Variants in PDE10A observed in about 807,000 individuals in gnomAD.
The protein encoded by PDE10A is phosphodiesterase 10A.
In PDE10A, 39 loss-of-function variants were observed where a neutral mutation model predicts 97.7. The ratio of observed to expected loss-of-function variants is 0.40; its 90% CI spans 0.31 to 0.52. The LOEUF is 0.52. Ranked by LOEUF, PDE10A falls within the 20% of genes least tolerant of loss-of-function variation. PDE10A has a pLI of 0.56. For synonymous variants in PDE10A, 371 were observed against 376.8 expected (o/e 0.98, Z 0.18); for missense variants, 731 against 1,047.8 (o/e 0.70, Z 4.17).
intron 1 of PDE10A, among the ~76,000 whole-genome samples, chr6:165,619,564 A>AGTG (rs1562635276): frequency 6.8e-4 from 3 of 4,434 alleles, no homozygotes; most frequent in Admixed American, 2.2e-3. Flanking sequence ...CTAGTGTAGT[A>AGTG]TACTGTAGTC....
intron 1 of PDE10A, among the ~76,000 whole-genome samples, chr6:165,695,875 G>A (rs924625569): frequency 3.9e-5 from 6 of 152,150 alleles, no homozygotes; most frequent in African/African-American, 1.2e-4. Context: ...TTCCTTCCAA[G>A]GAGCCAGAAT....
intron 1 of PDE10A, among the ~76,000 whole-genome samples, chr6:165,868,945 T>C (rs1781128912): frequency 6.6e-6 from 1 of 151,642 alleles, no homozygotes; most frequent in African/African-American, 2.4e-5. Flanking sequence ...GGAAAGAACA[T>C]ACCTTATCAT....
intron 13 of PDE10A, among the ~76,000 whole-genome samples, chr6:165,405,408 G>T (rs1374490381): frequency 6.6e-6 from 1 of 152,152 alleles, no homozygotes; most frequent in Non-Finnish European, 1.5e-5. Context: ...ATTTAACAAT[G>T]AATTGAAATT....
Position 165,774,476 on chromosome 6 carries a change from A to T in PDE10A, c.-615+213053T>A, listed in dbSNP as rs1001400453. Among the ~76,000 whole-genome samples the T allele has an allele frequency of 2.0e-5, 3 of 148,096 alleles. No homozygotes were observed. In the Admixed American group the frequency reaches 2.0e-4, roughly 10 times the overall value. ...TATAAAATAAACATGTATATATAAT[A>T]TATAAAAATATGTATAGATATTTAT... On this transcript the variant is annotated intron_variant, in intron 1 of 19. Coordinates refer to the PDE10A transcript ENST00000366882.
chr6:165,682,177 G>A (rs1018208861), intron 1 of PDE10A, among the ~76,000 whole-genome samples: 2 of 152,130 alleles, frequency 1.3e-5, no homozygotes, highest in Non-Finnish European at 2.9e-5. Flanking sequence ...TGTCACCCAG[G>A]CTGGAGTGCA....
At chr6:165,807,430 C>T (rs1779169389) in intron 1 of PDE10A, among the ~76,000 whole-genome samples, 1 of 152,092 alleles carries the variant, frequency 6.6e-6, no homozygotes, top group Admixed American at 6.5e-5. Context: ...AGCCTTTCTG[C>T]CCCGCCCACA....
intron 1 of PDE10A, among the ~76,000 whole-genome samples, chr6:165,638,623 AT>A (rs980922260): frequency 1.3e-5 from 2 of 152,228 alleles, no homozygotes; most frequent in African/African-American, 4.8e-5. Flanking sequence ...AGAAAATAAA[AT>A]TTTAAAAAAG....
intron 1 of PDE10A, among the ~76,000 whole-genome samples, chr6:165,763,592 G>C (rs949569663): frequency 3.3e-5 from 5 of 152,172 alleles, no homozygotes; most frequent in Admixed American, 3.3e-4. Context: ...CAAAGTGCTA[G>C]GATTACAGGT....
intron 1 of PDE10A, among the ~76,000 whole-genome samples, chr6:165,740,448 A>G (rs11760096): frequency 0.25 from 38,242 of 151,988 alleles, 6,168 homozygotes; most frequent in Non-Finnish European, 0.36. Flanking sequence ...CTCCTGCCTC[A>G]GCCTCCTGAG....
At chr6:165,528,233 G>A (rs572010926) in intron 2 of PDE10A, among the ~76,000 whole-genome samples, 5 of 137,228 alleles carry the variant, frequency 3.6e-5, no homozygotes, top group East Asian at 3.0e-4. Flanking sequence ...TGTATGCCAC[G>A]TGAGTGCTCA....
intron 2 of PDE10A, among the ~76,000 whole-genome samples, chr6:165,534,584 A>G (rs144281271): frequency 0.02 from 3,000 of 152,200 alleles, 54 homozygotes; most frequent in Non-Finnish European, 0.025. Flanking sequence ...GTAATACATT[A>G]AAAATCCATT....
At chr6:165,405,262 T>A (rs954479306) in intron 13 of PDE10A, among the ~76,000 whole-genome samples, 1 of 152,176 alleles carries the variant, frequency 6.6e-6, no homozygotes, top group Non-Finnish European at 1.5e-5. Context: ...CTCTGTAAGC[T>A]CAGAAGTTCC....
intron 1 of PDE10A, among the ~76,000 whole-genome samples, chr6:165,795,573 A>AAAACAAACAAAC (rs574196141): frequency 5.9e-5 from 9 of 151,700 alleles, no homozygotes; most frequent in African/African-American, 1.9e-4. Flanking sequence ...TAAAAATACA[A>AAAACAAACAAAC]AAACAAACAA....
intron 1 of PDE10A, among the ~76,000 whole-genome samples, chr6:165,651,916 T>C (rs1562660133): frequency 6.6e-6 from 1 of 152,220 alleles, no homozygotes; most frequent in Non-Finnish European, 1.5e-5. Flanking sequence ...TTGCTTCTCC[T>C]AAATGAAATG....
intron 1 of PDE10A, among the ~76,000 whole-genome samples, chr6:165,864,510 C>G (rs748371692): frequency 6.6e-6 from 1 of 152,088 alleles, no homozygotes; most frequent in African/African-American, 2.4e-5. Context: ...AGTCAAAGAC[C>G]AAAGCAGAAA....
chr6:165,855,312 G>C lies in PDE10A; in HGVS notation c.-615+132217C>G, dbSNP rs867980467. Reference sequence around the variant, plus strand: ...AGGCGGCGCGGGAAGTGGCGGGGGGGGGGGGGGACTCAGGGGCGCTGCCTC... The same window carrying C: ...AGGCGGCGCGGGAAGTGGCGGGGGGCGGGGGGGACTCAGGGGCGCTGCCTC... On this transcript the variant is annotated intron_variant, in intron 1 of 19. Coordinates refer to the PDE10A transcript ENST00000366882. Among the ~76,000 whole-genome samples the C allele has an allele frequency of 1.8e-4, 27 of 151,200 alleles. 1 individual carries two copies. The South Asian group carries it at 3.8e-3, about 21-fold the overall frequency.
intron 13 of PDE10A, among the ~76,000 whole-genome samples, chr6:165,401,109 A>G (rs1786626511): frequency 6.6e-6 from 1 of 152,182 alleles, no homozygotes; most frequent in African/African-American, 2.4e-5. Flanking sequence ...TGATGGTTTC[A>G]TGGGTATGTG....
chr6:165,638,402 GGAA>G (rs146334782), intron 1 of PDE10A, among the ~76,000 whole-genome samples: 20,496 of 152,070 alleles, frequency 0.13, 1,812 homozygotes, highest in Non-Finnish European at 0.19. Context: ...GAGAGAGGGT[GGAA>G]GGAGTCGTTT....
chr6:165,753,970 G>A (rs547187154), intron 1 of PDE10A, among the ~76,000 whole-genome samples: 15 of 152,238 alleles, frequency 9.9e-5, no homozygotes, highest in Non-Finnish European at 1.9e-4. Context: ...TGTAGGCAAG[G>A]TATTCATCAT....
Sources: gnomAD v4.1 joint callset for allele counts (sites outside exome capture counted in the v4.1 genomes callset) on GRCh38, gnomAD v4.1.1 for gene constraint, MANE v1.5 for transcripts, NCBI Gene and HGNC (gene_info 2026-07-23, HGNC 2026-07-21) for gene names.